SPINK5: variants seen among roughly 807,000 people sequenced by gnomAD.
The protein encoded by SPINK5 is serine peptidase inhibitor Kazal type 5, also known as serine protease inhibitor Kazal-type 5.
In SPINK5, 125 loss-of-function variants were observed where a neutral mutation model predicts 151.8. The observed-to-expected ratio is 0.82, with a 90% CI of 0.71 to 0.96. The LOEUF (loss-of-function observed/expected upper bound fraction) is 0.96. SPINK5 is among the 40% of genes least tolerant of loss of function. The probability of loss-of-function intolerance (pLI) is 0.00; values close to 1 mark genes in which losing one functional copy is unlikely to be tolerated. For synonymous variants in SPINK5, 374 were observed against 395.3 expected (o/e 0.95, Z 0.64); for missense variants, 1,194 against 1,291.9 (o/e 0.92, Z 1.16).
In SPINK5 at chr5:148,120,929, G is replaced by A. The variant is rs182895301; in HGVS notation, c.2538+538G>A. Among the ~76,000 whole-genome samples the A allele has an allele frequency of 5.3e-3, 803 of 152,006 alleles. 2 individuals carry two copies. Among genetic ancestry groups the A allele is most frequent in the Non-Finnish European group, 8.4e-3 (569 of 67,958 alleles). On this transcript the variant is annotated intron_variant, in intron 26 of 32. Transcript: ENST00000256084. Reference sequence around the variant, plus strand: ...AGAAGCTGAGGCGGGCAGATCACGAGGTCAGGAAATCGAGACCATCCTGGC... The same window carrying A: ...AGAAGCTGAGGCGGGCAGATCACGAAGTCAGGAAATCGAGACCATCCTGGC...
In SPINK5 at chr5:148,070,465, C is replaced by T. The variant is rs3752677; in HGVS notation, c.209+15C>T. 66,663 of 1,610,056 alleles carry T rather than the reference C, an allele frequency of 0.041. 1,893 individuals carry two copies. The highest frequency in any genetic ancestry group is 0.16 in the East Asian group (6,949 of 44,612). ...AAAATGATACTGTGAGTAAAGGTTT[C>T]TTTCTTTCTTTCCAATGTTTGAGTT... On this transcript the variant is annotated intron_variant, in intron 3 of 32. Transcript: ENST00000256084.
intron 22 of SPINK5, 119 bp downstream of exon 22, chr5:148,116,585 G>A (rs1163802292): frequency 9.8e-7 from 1 of 1,016,792 alleles, no homozygotes; most frequent in African/African-American, 1.6e-5. Context: ...GAACAGAGAA[G>A]TTTCTCCTTA....
chr5:148,118,960 T>C lies in SPINK5; in HGVS notation c.2241-26T>C, dbSNP rs3764926. 972,558 of 1,609,938 alleles carry C rather than the reference T, an allele frequency of 0.6. 297,822 individuals are homozygous for C. Among genetic ancestry groups the C allele is most frequent in the Admixed American group, 0.71 (42,552 of 59,962 alleles). ...CCAGGGTCAATATTTGTTAACAAGA[T>C]GAATATTCACTTTTTTCTCCTCCAG... On this transcript the variant is annotated intron_variant, in intron 23 of 32. Coordinates refer to ENST00000256084, the MANE Select transcript of SPINK5 (RefSeq NM_006846.4).
At chr5:148,109,167 T>C (rs1228444241) in intron 18 of SPINK5, among the ~76,000 whole-genome samples, 1 of 152,192 alleles carries the variant, frequency 6.6e-6, no homozygotes, top group African/African-American at 2.4e-5. Context: ...TTTTCTCAAG[T>C]ACATTTTTGA....
chr5:148,131,952 T>C (rs917527444), intron 31 of SPINK5, among the ~76,000 whole-genome samples: 3 of 152,184 alleles, frequency 2.0e-5, no homozygotes, highest in African/African-American at 7.2e-5. Context: ...TCTGGAGGCA[T>C]ATTATTTCAT....
intron 16 of SPINK5, 119 bp downstream of exon 16, chr5:148,105,119 G>T: frequency 1.7e-6 from 2 of 1,176,600 alleles, no homozygotes; most frequent in Non-Finnish European, 1.2e-6. Flanking sequence ...AATAAATGAA[G>T]AACATTTTTA....
At chr5:148,122,750 T>A (rs10069697) in intron 26 of SPINK5, among the ~76,000 whole-genome samples, 2 of 151,702 alleles carry the variant, frequency 1.3e-5, no homozygotes, top group Admixed American at 6.6e-5. Context: ...ATTTAATAGC[T>A]CTGAGATTTA....
chr5:148,118,973 T>A lies in SPINK5; in HGVS notation c.2241-13T>A. On this transcript the variant is annotated splice_polypyrimidine_tract_variant and intron_variant, in intron 23 of 32. Coordinates refer to ENST00000256084, the MANE Select transcript of SPINK5 (RefSeq NM_006846.4). ...TTGTTAACAAGATGAATATTCACTTTTTTCTCCTCCAGGGAAAGAGAAGCA... is the reference window on the plus strand; with the variant it reads ...TTGTTAACAAGATGAATATTCACTTATTTCTCCTCCAGGGAAAGAGAAGCA... 6.2e-7 allele frequency: 1 copy of A among 1,613,562 alleles called. No individual in the cohort carries two copies.
At chr5:148,124,646 G>GA in intron 27 of SPINK5, 119 bp from the exon 28 acceptor site, 1 of 644,388 alleles carries the variant, frequency 1.6e-6, no homozygotes, top group Non-Finnish European at 2.4e-6. Context: ...TTTTTTTTTA[G>GA]GTATAAGAAA....
intron 4 of SPINK5, among the ~76,000 whole-genome samples, chr5:148,080,423 T>C (rs907013560): frequency 5.9e-5 from 9 of 151,318 alleles, no homozygotes; most frequent in Admixed American, 4.0e-4. Flanking sequence ...TATTGAGACA[T>C]TTAACAGTAA....
intron 15 of SPINK5, among the ~76,000 whole-genome samples, chr5:148,104,499 T>G (rs777263704): frequency 7.9e-5 from 12 of 152,186 alleles, no homozygotes; most frequent in Non-Finnish European, 1.5e-4. Flanking sequence ...TATTGTCTAA[T>G]AAAAGTATAA....
At chr5:148,077,008 G>A (rs1043182084) in intron 4 of SPINK5, among the ~76,000 whole-genome samples, 1 of 151,300 alleles carries the variant, frequency 6.6e-6, no homozygotes. Context: ...TGCATAATGG[G>A]AATACCACAA....
chr5:148,094,271 C>T (rs368217390), intron 8 of SPINK5, 83 bp from the exon 9 acceptor site: 88 of 1,462,852 alleles, frequency 6.0e-5, no homozygotes, highest in Middle Eastern at 3.6e-4. Flanking sequence ...ATCCACCCTG[C>T]GCAATGCAGC....
intron 14 of SPINK5, 89 bp downstream of exon 14, chr5:148,101,525 G>A: frequency 8.7e-7 from 1 of 1,151,560 alleles, no homozygotes; most frequent in Non-Finnish European, 1.3e-6. Flanking sequence ...CCTTAAAACT[G>A]TATGAAACAA....
At chr5:148,092,872 A>C (rs1326161356) in intron 8 of SPINK5, among the ~76,000 whole-genome samples, 1 of 151,900 alleles carries the variant, frequency 6.6e-6, no homozygotes, top group Non-Finnish European at 1.5e-5. Context: ...AAAGCATCCC[A>C]ATGGAATTTG....
At chr5:148,096,962 A>G (rs1364268282) in intron 10 of SPINK5, among the ~76,000 whole-genome samples, 7 of 151,432 alleles carry the variant, frequency 4.6e-5, no homozygotes, top group Admixed American at 6.6e-5. Flanking sequence ...CCTCAGTCCT[A>G]GGTTACCAAG....
At chr5:148,086,678 C>G in intron 5 of SPINK5, 146 bp downstream of exon 5, 3 of 1,021,858 alleles carry the variant, frequency 2.9e-6, no homozygotes, top group Non-Finnish European at 4.3e-6. Flanking sequence ...TCTTTTACTA[C>G]TCTTAAGACA....
intron 1 of SPINK5, among the ~76,000 whole-genome samples, chr5:148,064,369 T>C (rs1271498258): frequency 6.6e-6 from 1 of 152,232 alleles, no homozygotes; most frequent in African/African-American, 2.4e-5. Flanking sequence ...GAAAACTGAA[T>C]AGATTCTTCT....
intron 30 of SPINK5, among the ~76,000 whole-genome samples, chr5:148,127,921 T>C (rs1027963375): frequency 6.6e-6 from 1 of 152,138 alleles, no homozygotes; most frequent in Non-Finnish European, 1.5e-5. Context: ...TACATTAGCA[T>C]GATAAGATTT....
Sources: allele counts gnomAD v4.1 joint callset (sites outside exome capture counted in the v4.1 genomes callset), GRCh38; gene constraint gnomAD v4.1.1; transcripts MANE v1.5; gene names NCBI Gene and HGNC (gene_info 2026-07-23, HGNC 2026-07-21).